Variants in TRIM9 observed in about 807,000 individuals in gnomAD.
TRIM9 encodes tripartite motif containing 9.
A neutral mutation model predicts 78.3 loss-of-function variants in TRIM9; 26 were observed. The observed-to-expected ratio is 0.33, with a 90% CI of 0.24 to 0.46. The LOEUF (loss-of-function observed/expected upper bound fraction) is 0.46, where lower values mean the gene tolerates loss of function less well. Among genes scored for constraint, TRIM9 ranks in the 20% least tolerant of loss-of-function variants. The pLI, the probability that TRIM9 is intolerant of heterozygous loss-of-function variation, is 1.00. For missense variants in TRIM9, 787 were observed against 1,036.4 expected (o/e 0.76, Z 3.30); for synonymous variants, 398 against 416.5 (o/e 0.96, Z 0.54).
chr14:51,027,105 G>A (rs1381793961), intron 1 of TRIM9, among the ~76,000 whole-genome samples: 1 of 149,508 alleles, frequency 6.7e-6, no homozygotes, highest in Non-Finnish European at 1.5e-5. Flanking sequence ...AGTGCATGAT[G>A]CGTGCTTAAT....
intron 2 of TRIM9, 46 bp downstream of exon 2, chr14:51,025,219 A>G: frequency 6.6e-7 from 1 of 1,504,864 alleles, no homozygotes; most frequent in Non-Finnish European, 9.2e-7. Flanking sequence ...CCACACAGTT[A>G]CGTATTAACC....
chr14:51,040,282 T>A (rs1330393438), intron 1 of TRIM9, among the ~76,000 whole-genome samples: 1 of 152,210 alleles, frequency 6.6e-6, no homozygotes, highest in Non-Finnish European at 1.5e-5. Context: ...TTTTCTTTAA[T>A]ATTTGATGCT....
Position 50,976,161 on chromosome 14 carries a change from A to G in TRIM9, c.*1130T>C, listed in dbSNP as rs1024694519. 1 of 152,406 alleles carries G rather than the reference A, an allele frequency of 6.6e-6. No homozygotes were observed. The highest frequency in any genetic ancestry group is 2.1e-4 in the South Asian group (1 of 4,820). 9.4% of individuals were successfully genotyped at this position (152,406 alleles called of 1,614,324 possible). A position where few individuals can be genotyped will look rare whatever the true frequency, so the allele number is the denominator to read the frequency against. On this transcript the variant is annotated 3_prime_UTR_variant, in exon 13 of 13. Transcript: ENST00000684578. ...TTTTAAGGCGTGGTATCATAGCAGC[A>G]TCAGCAAATAAGAATGCTGACATCA...
chr14:51,079,317 CCTA>C (rs2063092648), intron 1 of TRIM9, among the ~76,000 whole-genome samples: 1 of 152,126 alleles, frequency 6.6e-6, no homozygotes, highest in Non-Finnish European at 1.5e-5. Flanking sequence ...TAATCTCTGA[CCTA>C]CTAATTCACT....
At position 51,061,491 on chromosome 14, in the gene TRIM9, T is replaced by C. The variant is rs1195852162; in HGVS notation, c.822+32627A>G. 2.6e-5 allele frequency among the ~76,000 whole-genome samples: 4 copies of C among 152,258 alleles called. No individual in the cohort carries two copies. The East Asian group carries it at 7.7e-4, about 29-fold the overall frequency. On this transcript the variant is annotated intron_variant, in intron 1 of 12. Transcript: ENST00000684578. ...TATTGAATTTAAGTCCTCTGATACA[T>C]GTACAATTTTTTCCTAGTCTGTATC...
intron 5 of TRIM9, among the ~76,000 whole-genome samples, chr14:51,002,199 G>A (rs554183262): frequency 1.3e-5 from 2 of 152,082 alleles, no homozygotes; most frequent in Non-Finnish European, 2.9e-5. Context: ...TCGGCTCACT[G>A]CAAGCTCCGC....
chr14:51,039,982 ACC>A (rs1373184026), intron 1 of TRIM9, among the ~76,000 whole-genome samples: 1 of 152,016 alleles, frequency 6.6e-6, no homozygotes, highest in Non-Finnish European at 1.5e-5. Context: ...ACGGGGTTTC[ACC>A]GTGTTAGCCA....
intron 1 of TRIM9, among the ~76,000 whole-genome samples, chr14:51,067,452 C>T (rs1418376712): frequency 6.6e-6 from 1 of 152,174 alleles, no homozygotes; most frequent in East Asian, 1.9e-4. Flanking sequence ...CATTCTCCTG[C>T]TTAAGACACT....
Position 51,095,084 on chromosome 14 carries a change from C to G in TRIM9, c.-145G>C. The G allele has an allele frequency of 1.9e-6, 1 of 532,916 alleles. No homozygotes were observed. The highest frequency in any genetic ancestry group is 2.9e-6 in the Non-Finnish European group (1 of 339,536). 33.0% of individuals were successfully genotyped at this position (532,916 alleles called of 1,614,324 possible). On this transcript the variant is annotated 5_prime_UTR_variant, in exon 1 of 13. Coordinates refer to ENST00000684578, the MANE Select transcript of TRIM9 (RefSeq NM_001387360.1). ...TTCCCGCGCAGCACTGGCACGGACA[C>G]CCAGAGAGGCGCTAGCTCTGTGAGC...
intron 12 of TRIM9, among the ~76,000 whole-genome samples, chr14:50,977,954 A>G (rs562006932): frequency 4.0e-5 from 6 of 151,836 alleles, no homozygotes; most frequent in Non-Finnish European, 8.8e-5. Flanking sequence ...ATAGATAATC[A>G]GAAGGTCCTG....
intron 1 of TRIM9, among the ~76,000 whole-genome samples, chr14:51,070,016 G>A (rs1183653981): frequency 1.3e-5 from 2 of 152,206 alleles, no homozygotes; most frequent in African/African-American, 4.8e-5. Context: ...AGCTGAGGTT[G>A]ATCAGGGTAA....
chr14:51,052,490 C>T (rs776759091), intron 1 of TRIM9, among the ~76,000 whole-genome samples: 2 of 152,076 alleles, frequency 1.3e-5, no homozygotes, highest in African/African-American at 2.4e-5. Flanking sequence ...TTGCTATTAG[C>T]GTCATTTAAT....
At chr14:51,082,656 T>C (rs1450513538) in intron 1 of TRIM9, among the ~76,000 whole-genome samples, 1 of 152,168 alleles carries the variant, frequency 6.6e-6, no homozygotes, top group Non-Finnish European at 1.5e-5. Context: ...TTTGGGATGA[T>C]AAAAATATTC....
At chr14:51,010,350 T>C (rs757259669) in intron 4 of TRIM9, 34 bp downstream of exon 4, 5 of 1,549,626 alleles carry the variant, frequency 3.2e-6, no homozygotes, top group Non-Finnish European at 4.5e-6. Context: ...TATGGGACAT[T>C]TAGAATCTGA....
chr14:50,995,290 G>A (rs2054060429), intron 7 of TRIM9, among the ~76,000 whole-genome samples: 1 of 151,898 alleles, frequency 6.6e-6, no homozygotes, highest in Admixed American at 6.6e-5. Context: ...TTATCACAAT[G>A]TGTAAAAATG....
rs1566574952 is a variant in TRIM9 at position 51,010,512 on chromosome 14, A to AT, written c.1042-19_1042-18insA. On this transcript the variant is annotated intron_variant, in intron 3 of 12. Transcript: ENST00000684578. ...CGAACCACCTAGGATTAAAAAAAAAACAACAGAACAGTCCAAGATGGCAGA... is the reference window on the plus strand; with the variant it reads ...CGAACCACCTAGGATTAAAAAAAAAATCAACAGAACAGTCCAAGATGGCAGA... 1 of 1,581,936 alleles carries AT rather than the reference A, an allele frequency of 6.3e-7. No individual in the cohort carries two copies. The highest frequency in any genetic ancestry group is 1.7e-5 in the Admixed American group (1 of 59,224).
intron 1 of TRIM9, among the ~76,000 whole-genome samples, chr14:51,026,562 T>C (rs893327523): frequency 2.0e-5 from 3 of 152,050 alleles, no homozygotes; most frequent in Non-Finnish European, 4.4e-5. Flanking sequence ...TAAAGCCTAT[T>C]CTCCTTGCCA....
intron 1 of TRIM9, among the ~76,000 whole-genome samples, chr14:51,052,747 C>T (rs1272131679): frequency 6.6e-6 from 1 of 152,188 alleles, no homozygotes; most frequent in African/African-American, 2.4e-5. Flanking sequence ...TGACTCCAGA[C>T]ACAGACGTCA....
At chr14:51,077,657 G>A (rs961373733) in intron 1 of TRIM9, among the ~76,000 whole-genome samples, 1 of 152,166 alleles carries the variant, frequency 6.6e-6, no homozygotes, top group Admixed American at 6.5e-5. Flanking sequence ...GCCTCCCAAA[G>A]TGCTGGGATT....
Sources: allele counts gnomAD v4.1 joint callset (sites outside exome capture counted in the v4.1 genomes callset), GRCh38; gene constraint gnomAD v4.1.1; transcripts MANE v1.5; gene names NCBI Gene and HGNC (gene_info 2026-07-23, HGNC 2026-07-21).